AGBL4: variants seen among roughly 807,000 people sequenced by gnomAD.
AGBL4 encodes AGBL carboxypeptidase 4.
Under a neutral mutation model 66.4 loss-of-function variants are expected in AGBL4, and 58 were observed. That is an observed-to-expected ratio of 0.87 (90% confidence interval 0.71 to 1.09). The LOEUF is 1.09. AGBL4 is among the 50% of genes least tolerant of loss of function. The probability of loss-of-function intolerance (pLI) is 0.00; values close to 1 mark genes in which losing one functional copy is unlikely to be tolerated. For missense variants in AGBL4, 579 were observed against 631.0 expected (o/e 0.92, Z 0.88); for synonymous variants, 234 against 222.9 (o/e 1.05, Z -0.44).
intron 3 of AGBL4, among the ~76,000 whole-genome samples, chr1:49,671,485 A>G (rs1646475293): frequency 6.6e-6 from 1 of 152,148 alleles, no homozygotes; most frequent in African/African-American, 2.4e-5. Flanking sequence ...TTGACAAATG[A>G]GAACTAATTA....
chr1:49,581,675 T>C (rs183220541), intron 3 of AGBL4, among the ~76,000 whole-genome samples: 1 of 152,154 alleles, frequency 6.6e-6, no homozygotes, highest in Non-Finnish European at 1.5e-5. Context: ...TTGTTGCAGT[T>C]GTGCTGGATA....
intron 3 of AGBL4, among the ~76,000 whole-genome samples, chr1:49,445,601 A>G (rs568995664): frequency 2.0e-5 from 3 of 151,998 alleles, no homozygotes; most frequent in East Asian, 1.9e-4. Flanking sequence ...CAAAAGACCT[A>G]TGTTCAAGTT....
intron 4 of AGBL4, among the ~76,000 whole-genome samples, chr1:49,095,627 G>T (rs2147989283): frequency 6.6e-6 from 1 of 152,048 alleles, no homozygotes; most frequent in East Asian, 1.9e-4. Flanking sequence ...GGGAAAACTG[G>T]CTAGCCATAT....
At chr1:48,819,821 T>C (rs1646270870) in intron 6 of AGBL4, among the ~76,000 whole-genome samples, 1 of 152,148 alleles carries the variant, frequency 6.6e-6, no homozygotes, top group Non-Finnish European at 1.5e-5. Context: ...CAATAGGTGG[T>C]CCAGCTTTTG....
chr1:49,079,505 T>C (rs1318339847), intron 4 of AGBL4, among the ~76,000 whole-genome samples: 1 of 152,144 alleles, frequency 6.6e-6, no homozygotes, highest in Admixed American at 6.6e-5. Flanking sequence ...TCACTCACTA[T>C]CATGAGAACA....
intron 3 of AGBL4, among the ~76,000 whole-genome samples, chr1:49,545,875 GTTTATTTTTA>G (rs1476035625): frequency 6.6e-6 from 1 of 152,072 alleles, no homozygotes; most frequent in African/African-American, 2.4e-5. Context: ...TATACCCTGT[GTTTATTTTTA>G]TTTATTTTTC....
intron 3 of AGBL4, among the ~76,000 whole-genome samples, chr1:49,603,394 G>A (rs1190582273): frequency 2.0e-5 from 3 of 151,910 alleles, no homozygotes; most frequent in Admixed American, 6.6e-5. Flanking sequence ...GTGTGGTGGT[G>A]GGCACCTGTA....
rs74517190 is a variant in AGBL4 at position 48,575,106 on chromosome 1, C to T, written c.1267+11898G>A. On this transcript the variant is annotated intron_variant, in intron 11 of 13. Coordinates refer to ENST00000371839, the MANE Select transcript of AGBL4 (RefSeq NM_032785.4). ...ACCCTTCATTTTACAAATGGGATCT[C>T]GGGCAGGGTAGTGATTTGCTCGAGA... Among the ~76,000 whole-genome samples the T allele has an allele frequency of 2.1e-4, 32 of 152,200 alleles. 1 individual carries two copies. In the East Asian group the frequency reaches 5.0e-3, roughly 24 times the overall value.
intron 3 of AGBL4, among the ~76,000 whole-genome samples, chr1:49,687,218 C>A (rs867820950): frequency 6.6e-6 from 1 of 152,048 alleles, no homozygotes; most frequent in Non-Finnish European, 1.5e-5. Flanking sequence ...TTGCATGAAA[C>A]CCTGGACAAA....
At chr1:48,865,606 C>A (rs10888628) in intron 6 of AGBL4, among the ~76,000 whole-genome samples, 135,343 of 152,160 alleles carry the variant, frequency 0.89, 60,782 homozygotes, top group Non-Finnish European at 0.96. Flanking sequence ...AAGAGTCACA[C>A]CTACTTTGCT....
intron 2 of AGBL4, among the ~76,000 whole-genome samples, chr1:49,803,198 C>A (rs984412852): frequency 6.6e-6 from 1 of 151,942 alleles, no homozygotes; most frequent in African/African-American, 2.4e-5. Flanking sequence ...TTTTACTCAA[C>A]AATGTTCATT....
intron 5 of AGBL4, among the ~76,000 whole-genome samples, chr1:49,039,763 T>C (rs1643894582): frequency 6.6e-6 from 1 of 152,106 alleles, no homozygotes; most frequent in African/African-American, 2.4e-5. Flanking sequence ...AAGCAAATCA[T>C]TGTGGCCTTC....
chr1:49,190,623 T>C (rs1647099550), intron 4 of AGBL4, among the ~76,000 whole-genome samples: 1 of 152,156 alleles, frequency 6.6e-6, no homozygotes, highest in South Asian at 2.1e-4. Context: ...ATTAATAAAA[T>C]AGTTGCACTC....
At chr1:48,612,905 G>A (rs979326373) in intron 9 of AGBL4, among the ~76,000 whole-genome samples, 16 of 152,114 alleles carry the variant, frequency 1.1e-4, no homozygotes, top group Non-Finnish European at 1.5e-4. Context: ...AGGCCAAGGC[G>A]GGCGGATCAC....
chr1:49,507,018 C>G (rs777186142), intron 3 of AGBL4, among the ~76,000 whole-genome samples: 5 of 151,944 alleles, frequency 3.3e-5, no homozygotes, highest in Admixed American at 6.6e-5. Context: ...CAGAATGCAA[C>G]AGAAATGATG....
At chr1:48,648,862 A>C (rs1281259570) in intron 8 of AGBL4, among the ~76,000 whole-genome samples, 1 of 152,240 alleles carries the variant, frequency 6.6e-6, no homozygotes, top group Non-Finnish European at 1.5e-5. Flanking sequence ...TGTCACAACA[A>C]CATACAGCTA....
intron 5 of AGBL4, among the ~76,000 whole-genome samples, chr1:48,926,330 A>G (rs2148897695): frequency 6.6e-6 from 1 of 150,554 alleles, no homozygotes; most frequent in Non-Finnish European, 1.5e-5. Flanking sequence ...CCTATGCTGG[A>G]GTGCAGTGGC....
chr1:49,090,837 A>ATAT (rs1247308892), intron 4 of AGBL4, among the ~76,000 whole-genome samples: 1 of 152,212 alleles, frequency 6.6e-6, no homozygotes, highest in African/African-American at 2.4e-5. Context: ...ACTTCAAACT[A>ATAT]TATTACAAGG....
intron 3 of AGBL4, among the ~76,000 whole-genome samples, chr1:49,435,538 T>C (rs992743140): frequency 6.6e-6 from 1 of 152,146 alleles, no homozygotes; most frequent in Non-Finnish European, 1.5e-5. Flanking sequence ...CATGTGCTTG[T>C]GGGAATTGGA....
Sources: gnomAD v4.1 joint callset for allele counts (sites outside exome capture counted in the v4.1 genomes callset) on GRCh38, gnomAD v4.1.1 for gene constraint, MANE v1.5 for transcripts, NCBI Gene and HGNC (gene_info 2026-07-23, HGNC 2026-07-21) for gene names.